Variants in HERC3 observed in about 807,000 individuals in gnomAD.
HERC3 encodes the protein probable E3 ubiquitin-protein ligase HERC3.
A neutral mutation model predicts 129.9 loss-of-function variants in HERC3; 58 were observed. The observed-to-expected ratio is 0.45, with a 90% CI of 0.36 to 0.56. HERC3 has a LOEUF of 0.56. HERC3 is among the 20% of genes least tolerant of loss of function. The pLI is 0.00. For missense variants in HERC3, 835 were observed against 1,244.2 expected (o/e 0.67, Z 4.95); for synonymous variants, 430 against 451.0 (o/e 0.95, Z 0.59).
At chr4:88,595,192 G>A (rs1423960713) in intron 1 of HERC3, among the ~76,000 whole-genome samples, 4 of 151,622 alleles carry the variant, frequency 2.6e-5, no homozygotes, top group Non-Finnish European at 5.9e-5. Context: ...GTCATACATG[G>A]AAAAATAAAG....
At chr4:88,697,835 TGCGGCAAGTGGCGGTGACGTGCGGCC>T (rs1734815049) in intron 23 of HERC3, 8 of 1,498,078 alleles carry the variant, frequency 5.3e-6, no homozygotes, top group Non-Finnish European at 7.1e-6. Flanking sequence ...ATCTTGCGGA[TGCGGCAAGTGGCGGTGACGTGCGGCC>T]GCGGGAATGA....
chr4:88,666,182 G>C (rs931034468), intron 12 of HERC3, among the ~76,000 whole-genome samples: 2 of 152,134 alleles, frequency 1.3e-5, no homozygotes, highest in African/African-American at 4.8e-5. Flanking sequence ...TAGTATCACA[G>C]ATTTCGTATA....
At chr4:88,594,474 G>C (rs1184022077) in intron 1 of HERC3, among the ~76,000 whole-genome samples, 1 of 152,104 alleles carries the variant, frequency 6.6e-6, no homozygotes, top group African/African-American at 2.4e-5. Flanking sequence ...TGCGATCTCG[G>C]CTCACTGCAA....
In HERC3 at chr4:88,607,172, GGTGTGTGTGT is replaced by G. The variant is rs3036481; in HGVS notation, c.226+1138_226+1147del. Among the ~76,000 whole-genome samples the G allele has an allele frequency of 4.5e-3, 672 of 149,838 alleles. 13 individuals carry two copies. Among genetic ancestry groups the G allele is most frequent in the African/African-American group, 0.016 (639 of 40,868 alleles). On this transcript the variant is annotated intron_variant, in intron 3 of 25. Transcript: ENST00000402738. The stretch of plus-strand genomic sequence containing the variant: ...GCCTTTGGGTGTTGAGTAGCACTTT[GGTGTGTGTGT>G]GTGTGTGTGTGTGTATGCATGTGCA...
intron 3 of HERC3, among the ~76,000 whole-genome samples, chr4:88,639,259 A>T (rs566394516): frequency 3.1e-4 from 47 of 152,308 alleles, no homozygotes; most frequent in Non-Finnish European, 5.9e-4. Flanking sequence ...TTCATATGGA[A>T]CCAAAAGAGA....
At position 88,707,864 on chromosome 4, in the gene HERC3, C is replaced by T. The variant is rs960438510; in HGVS notation, c.*904C>T. 11 of 152,716 alleles carry T rather than the reference C, an allele frequency of 7.2e-5. No homozygotes were observed. The highest frequency in any genetic ancestry group is 2.6e-4 in the African/African-American group (11 of 41,546). 9.5% of individuals were successfully genotyped at this position (152,716 alleles called of 1,614,324 possible). A position where few individuals can be genotyped will look rare whatever the true frequency, so the allele number is the denominator to read the frequency against. On this transcript the variant is annotated 3_prime_UTR_variant, in exon 26 of 26. Coordinates refer to ENST00000402738, the MANE Select transcript of HERC3 (RefSeq NM_014606.3). Reference sequence around the variant, plus strand: ...CCCTTTTTCTATCACCTTATGTCCTCTACCATTTTCTCCTTCCTCCCTTCC... The same window carrying T: ...CCCTTTTTCTATCACCTTATGTCCTTTACCATTTTCTCCTTCCTCCCTTCC...
At chr4:88,595,180 G>GTGTC (rs767667218) in intron 1 of HERC3, among the ~76,000 whole-genome samples, 34 of 150,682 alleles carry the variant, frequency 2.3e-4, no homozygotes, top group Non-Finnish European at 4.4e-4. Context: ...AAGCTGCTAT[G>GTGTC]TGTCATACAT....
At chr4:88,617,198 A>AAG (rs1553932152) in intron 3 of HERC3, among the ~76,000 whole-genome samples, 4 of 151,070 alleles carry the variant, frequency 2.6e-5, no homozygotes, top group African/African-American at 9.7e-5. Flanking sequence ...AAAAAAAAAA[A>AAG]AAAGAAATTG....
At chr4:88,686,152 A>T (rs1225790648) in intron 21 of HERC3, among the ~76,000 whole-genome samples, 1 of 152,194 alleles carries the variant, frequency 6.6e-6, no homozygotes. Flanking sequence ...CTCTTAAAAA[A>T]AAAAAATTAG....
chr4:88,667,510 G>C (rs372764451), intron 13 of HERC3, 22 bp downstream of exon 13: 3 of 1,320,428 alleles, frequency 2.3e-6, no homozygotes, highest in African/African-American at 3.0e-5. Flanking sequence ...TATTTGTAAA[G>C]TGCATTCTTA....
chr4:88,539,905 G>A, the HERC3 span, among the ~76,000 whole-genome samples: 4 of 152,048 alleles, frequency 2.6e-5, no homozygotes, highest in Admixed American at 1.3e-4. Flanking sequence ...TCAACAAAAA[G>A]GACATCCACA....
At chr4:88,615,383 C>G (rs1724794248) in intron 3 of HERC3, among the ~76,000 whole-genome samples, 1 of 152,130 alleles carries the variant, frequency 6.6e-6, no homozygotes, top group Non-Finnish European at 1.5e-5. Flanking sequence ...TTTGTGATAG[C>G]ATGTAATGTT....
the HERC3 span, among the ~76,000 whole-genome samples, chr4:88,551,242 A>G: frequency 1.3e-5 from 2 of 152,226 alleles, no homozygotes; most frequent in East Asian, 3.8e-4. Flanking sequence ...CTTCATGTCT[A>G]AAACCAAAAG....
At position 88,681,215 on chromosome 4, in the gene HERC3, C is replaced by T. The variant is rs1171850060; in HGVS notation, c.2397C>T (p.Ile799=). ...TTGGTATAACCTGTGGACTAGCTAT[C>T]TACAACTCCACTGTGGTCGATCTCC... ...HLIGITCGLA[I]YNSTVVDLHF... Residue 799 remains isoleucine (I), a synonymous_variant, in exon 21 of 26, where the codon ATC becomes ATT. Transcript: ENST00000402738. 1 of 1,613,952 alleles carries T rather than the reference C, an allele frequency of 6.2e-7. No individual in the cohort carries two copies. Among genetic ancestry groups the T allele is most frequent in the Admixed American group, 1.7e-5 (1 of 60,018 alleles).
intron 7 of HERC3, 130 bp downstream of exon 7, chr4:88,654,263 G>A: frequency 1.9e-6 from 1 of 516,808 alleles, no homozygotes; most frequent in Non-Finnish European, 3.3e-6. Flanking sequence ...TCTCTTTTAT[G>A]TGGGTTTGTT....
chr4:88,568,700 C>A, the HERC3 span, among the ~76,000 whole-genome samples: 1 of 151,984 alleles, frequency 6.6e-6, no homozygotes, highest in East Asian at 1.9e-4. Context: ...TTGGAGGGCC[C>A]TTTCCTTCAA....
chr4:88,547,039 C>G, the HERC3 span, among the ~76,000 whole-genome samples: 1 of 152,152 alleles, frequency 6.6e-6, no homozygotes, highest in African/African-American at 2.4e-5. Flanking sequence ...ACTTCCTTAA[C>G]CTTTTTTTCT....
intron 23 of HERC3, chr4:88,692,852 C>A: frequency 2.0e-6 from 2 of 982,070 alleles, no homozygotes; most frequent in Non-Finnish European, 2.4e-6. Flanking sequence ...TATGGCCTCT[C>A]AGGGGCTAAG....
At chr4:88,694,438 ACT>A (rs1734388244) in intron 23 of HERC3, among the ~76,000 whole-genome samples, 1 of 151,528 alleles carries the variant, frequency 6.6e-6, no homozygotes, top group Admixed American at 6.6e-5. Flanking sequence ...TGTGTCTTTA[ACT>A]CTGTGATTTC....
Sources: gnomAD v4.1 joint callset for allele counts (sites outside exome capture counted in the v4.1 genomes callset) on GRCh38, gnomAD v4.1.1 for gene constraint, MANE v1.5 for transcripts, NCBI Gene and HGNC (gene_info 2026-07-23, HGNC 2026-07-21) for gene names.